Variants in DNAH11 observed in about 807,000 individuals in gnomAD.
The protein encoded by DNAH11 is axonemal beta dynein heavy chain 11.
A neutral mutation model predicts 526.0 loss-of-function variants in DNAH11; 442 were observed. The observed-to-expected ratio is 0.84, with a 90% CI of 0.78 to 0.91. The LOEUF is 0.91. Among genes scored for constraint, DNAH11 ranks in the 40% least tolerant of loss-of-function variants. The pLI is 0.00. For synonymous variants in DNAH11, 2,461 were observed against 1,935.9 expected, an observed-to-expected ratio of 1.27 and a Z score of -7.12; for missense variants, 6,989 against 5,448.7, an observed-to-expected ratio of 1.28 and a Z score of -8.90.
At chr7:21,715,047 T>C (rs1200215087) in intron 42 of DNAH11, among the ~76,000 whole-genome samples, 1 of 152,250 alleles carries the variant, frequency 6.6e-6, no homozygotes, top group Admixed American at 6.5e-5. Flanking sequence ...CTTGGGATAC[T>C]GTATATGCTT....
At chr7:21,827,257 CAT>C (rs1329006248) in intron 65 of DNAH11, among the ~76,000 whole-genome samples, 1 of 152,118 alleles carries the variant, frequency 6.6e-6, no homozygotes, top group Non-Finnish European at 1.5e-5. Context: ...TTAAATAAAA[CAT>C]ATTTTATATC....
intron 28 of DNAH11, among the ~76,000 whole-genome samples, chr7:21,655,075 C>A (rs1015367471): frequency 4.0e-5 from 6 of 151,110 alleles, no homozygotes; most frequent in African/African-American, 1.2e-4. Context: ...TTTCCCCCCC[C>A]ACCCCCAAAT....
At chr7:21,671,330 G>A (rs189481192) in intron 30 of DNAH11, among the ~76,000 whole-genome samples, 2 of 152,320 alleles carry the variant, frequency 1.3e-5, no homozygotes, top group Admixed American at 1.3e-4. Context: ...CACGATGGCA[G>A]AGTGGAGTGG....
chr7:21,853,886 T>C (rs4722063), intron 67 of DNAH11, among the ~76,000 whole-genome samples: 75,671 of 152,056 alleles, frequency 0.5, 21,305 homozygotes, highest in Non-Finnish European at 0.65. Context: ...GGTATATTAT[T>C]GACCTTGACT....
chr7:21,845,993 A>C (rs1394415682), intron 66 of DNAH11, among the ~76,000 whole-genome samples: 1 of 152,198 alleles, frequency 6.6e-6, no homozygotes, highest in Non-Finnish European at 1.5e-5. Flanking sequence ...GTTTGGTACT[A>C]ATGTAAATGG....
rs138859617 is a variant in DNAH11 at position 21,643,934 on chromosome 7, G to C, written c.4944+4869G>C. ...TTTTAAAATATGACTTAATGTGGCTGCTAGATGGTTGTAGCTGTGGAAATT... is the reference window on the plus strand; with the variant it reads ...TTTTAAAATATGACTTAATGTGGCTCCTAGATGGTTGTAGCTGTGGAAATT... On this transcript the variant is annotated intron_variant, in intron 28 of 81. Transcript: ENST00000409508. Among the ~76,000 whole-genome samples, 202 of 152,230 alleles carry C rather than the reference G, an allele frequency of 1.3e-3. 1 individual carries two copies. The highest frequency in any genetic ancestry group is 6.8e-3 in the Middle Eastern group (2 of 294).
intron 79 of DNAH11, among the ~76,000 whole-genome samples, chr7:21,897,371 T>C (rs922774971): frequency 1.3e-5 from 2 of 152,196 alleles, no homozygotes; most frequent in Non-Finnish European, 2.9e-5. Flanking sequence ...ACACCCTCAG[T>C]TGGAGGCCTT....
At position 21,738,804 on chromosome 7, in the gene DNAH11, G is replaced by C; in HGVS notation, c.7749G>C (p.Val2583=). The part of the protein sequence containing the change: ...YFIDDMNMPE[V]DLYGTVQPHT... ...TCGACGACATGAACATGCCTGAAGT[G>C]GACTTATATGGCACCGTTCAGCCTC... Residue 2583 remains valine, a synonymous_variant, in exon 47 of 82, where the codon GTG becomes GTC. Transcript: ENST00000409508. The C allele has an allele frequency of 6.2e-7, 1 of 1,603,696 alleles. No homozygotes were observed. The highest frequency in any genetic ancestry group is 1.1e-5 in the South Asian group (1 of 88,622).
intron 45 of DNAH11, among the ~76,000 whole-genome samples, chr7:21,733,152 C>A (rs1354144569): frequency 6.6e-6 from 1 of 152,120 alleles, no homozygotes; most frequent in Non-Finnish European, 1.5e-5. Flanking sequence ...TTTGGGAGGC[C>A]GAGGTGGGTG....
intron 65 of DNAH11, among the ~76,000 whole-genome samples, chr7:21,821,522 G>A (rs2128002400): frequency 6.6e-6 from 1 of 152,218 alleles, no homozygotes; most frequent in African/African-American, 2.4e-5. Flanking sequence ...ATCGCTATAT[G>A]AAGTTTATGT....
chr7:21,865,849 C>G (rs1783253702), intron 70 of DNAH11, among the ~76,000 whole-genome samples: 1 of 152,154 alleles, frequency 6.6e-6, no homozygotes, highest in Non-Finnish European at 1.5e-5. Flanking sequence ...TGTTGATATG[C>G]TAAACAAGGG....
At chr7:21,825,967 A>T (rs1013620683) in intron 65 of DNAH11, among the ~76,000 whole-genome samples, 7 of 152,028 alleles carry the variant, frequency 4.6e-5, no homozygotes, top group African/African-American at 1.7e-4. Context: ...TCCAAAAAAA[A>T]AAAAAAAAAG....
chr7:21,671,151 TTA>T (rs1479833816), intron 30 of DNAH11, among the ~76,000 whole-genome samples: 1 of 152,214 alleles, frequency 6.6e-6, no homozygotes, highest in African/African-American at 2.4e-5. Flanking sequence ...TTGATTTCTT[TTA>T]TACATATGCA....
In DNAH11 at chr7:21,867,932, G is replaced by T; in HGVS notation, c.11764G>T (p.Glu3922Ter). 1 of 1,575,488 alleles carries T rather than the reference G, an allele frequency of 6.3e-7. No homozygotes were observed. ...TRLDLVKAFE[E>*]SSPATPIFFI... ...ATTGGACTTAGTTAAAGCATTCGAA[G>T]AAAGCAGCCCAGCCACCCCCATATT... Residue 3922 changes from glutamate to a stop codon, truncating the protein, a stop_gained, in exon 72 of 82, where the codon GAA (glutamate) becomes TAA (stop). Transcript: ENST00000409508. LOFTEE classifies it high-confidence loss of function.
rs528351593 is a variant in DNAH11 at position 21,790,232 on chromosome 7, A to G, written c.10026+890A>G. On this transcript the variant is annotated intron_variant, in intron 61 of 81. Coordinates refer to ENST00000409508, the MANE Select transcript of DNAH11 (RefSeq NM_001277115.2). ...GAGGCCAAGGCGGGCAGATCACGAC[A>G]TCAGGAGATCGAGACCATCCTGGCT... Among the ~76,000 whole-genome samples the G allele has an allele frequency of 5.1e-4, 77 of 152,112 alleles. 1 individual carries two copies. The highest frequency in any genetic ancestry group is 2.9e-3 in the South Asian group (14 of 4,818).
chr7:21,820,330 C>T (rs369477752), intron 65 of DNAH11, among the ~76,000 whole-genome samples: 7 of 152,116 alleles, frequency 4.6e-5, no homozygotes, highest in South Asian at 2.1e-4. Context: ...AAAGCAGAAC[C>T]GTTGGTGTGG....
At position 21,690,810 on chromosome 7, in the gene DNAH11, A is replaced by G; in HGVS notation, c.5970A>G (p.Gly1990=). ...GEAITLKPSV[G]IFITMNPGYA... ...CTATCACACTGAAGCCATCAGTTGG[A>G]ATATTTATTACTATGAACCCGGGTT... is the stretch of plus-strand genomic sequence containing the variant. Residue 1990 remains glycine (G), a synonymous_variant, in exon 35 of 82, where the codon GGA becomes GGG. Coordinates refer to ENST00000409508, the MANE Select transcript of DNAH11 (RefSeq NM_001277115.2). 1.2e-6 allele frequency: 2 copies of G among 1,611,468 alleles called. No individual in the cohort carries two copies. The highest frequency in any genetic ancestry group is 1.7e-6 in the Non-Finnish European group (2 of 1,179,226).
At chr7:21,869,036 G>C in intron 73 of DNAH11, 45 bp downstream of exon 73, 2 of 1,611,728 alleles carry the variant, frequency 1.2e-6, no homozygotes, top group Non-Finnish European at 1.7e-6. Context: ...AAACACAGAG[G>C]AGGGCCAGGG....
intron 49 of DNAH11, among the ~76,000 whole-genome samples, chr7:21,742,421 A>G (rs1403042935): frequency 6.6e-6 from 1 of 152,156 alleles, no homozygotes; most frequent in Non-Finnish European, 1.5e-5. Flanking sequence ...GCATGGCAAG[A>G]GCAGGAGCAA....
Sources: gnomAD v4.1 joint callset for allele counts (sites outside exome capture counted in the v4.1 genomes callset) on GRCh38, gnomAD v4.1.1 for gene constraint, MANE v1.5 for transcripts, NCBI Gene and HGNC (gene_info 2026-07-23, HGNC 2026-07-21) for gene names.